The following ABCA7 variants were observed in gnomAD, a reference collection of about 807,000 sequenced individuals.
The protein encoded by ABCA7 is phospholipid-transporting ATPase ABCA7.
Under a neutral mutation model 227.6 loss-of-function variants are expected in ABCA7, and 261 were observed. The ratio of observed to expected loss-of-function variants is 1.15; its 90% CI spans 1.04 to 1.27. The LOEUF is 1.27. ABCA7 is among the 50% of genes most tolerant of loss of function. The probability of loss-of-function intolerance (pLI) is 0.00; values close to 1 mark genes in which losing one functional copy is unlikely to be tolerated. For synonymous variants in ABCA7, 1,488 were observed against 1,279.7 expected (o/e 1.16, Z -3.47); for missense variants, 3,331 against 2,924.5 (o/e 1.14, Z -3.21).
intron 11 of ABCA7, 112 bp from the exon 12 acceptor site, chr19:1,044,890 G>A (rs2040457432): frequency 5.4e-6 from 8 of 1,486,490 alleles, no homozygotes; most frequent in Admixed American, 3.9e-5. Flanking sequence ...GGAGCCGGCC[G>A]TGGGCCTACG....
intron 16 of ABCA7, among the ~76,000 whole-genome samples, chr19:1,048,496 C>CAAAAAAAAAAAAAAAAAAA (rs1234415864): frequency 9.2e-5 from 2 of 21,628 alleles, no homozygotes; most frequent in African/African-American, 3.7e-4. Flanking sequence ...AACTCAGTCT[C>CAAAAAAAAAAAAAAAAAAA]AAAAAAAAAA....
chr19:1,054,956 A>G lies in ABCA7; in HGVS notation c.3950+78A>G. The G allele has an allele frequency of 6.4e-7, 1 of 1,551,634 alleles. No homozygotes were observed. Among genetic ancestry groups the G allele is most frequent in the Admixed American group, 1.8e-5 (1 of 54,746 alleles). ...ATCTGGTCCCTGGCCAGGGAGCCTC[A>G]GGGGGCACCTGGAGCATCCCCTGTG... On this transcript the variant is annotated intron_variant, in intron 29 of 46. Coordinates refer to ENST00000263094, the MANE Select transcript of ABCA7 (RefSeq NM_019112.4). The surrounding 1 kb of genome is among the most constrained non-coding windows in gnomAD (Gnocchi z 4.8).
At chr19:1,051,081 G>C (rs373841193) in intron 19 of ABCA7, 29 bp downstream of exon 19, 15 of 1,611,136 alleles carry the variant, frequency 9.3e-6, no homozygotes, top group Non-Finnish European at 1.2e-5. Flanking sequence ...AGAGTGCAGC[G>C]GTGGGAAGGG....
rs1340741654 is a variant in ABCA7, at chr19:1,058,854, G to A, written c.5314G>A (p.Glu1772Lys). The A allele has an allele frequency of 3.2e-6, 5 of 1,576,402 alleles. No individual in the cohort carries two copies. Among genetic ancestry groups the A allele is most frequent in the Non-Finnish European group, 4.3e-6 (5 of 1,158,192 alleles). The change falls in exon 39 of 47, where the codon GAG becomes AAG. Residue 1772 changes from glutamate to lysine, a missense_variant. Transcript: ENST00000263094. ...RVRSLPLLGE[E>K]DEDVARERER... ...GAGGTCTCTGCCACTCCTGGGAGAG[G>A]AGGACGAGGATGTAGCCCGTGAACG...
At position 1,054,679 on chromosome 19, in the gene ABCA7, A is replaced by C; in HGVS notation, c.3836A>C (p.Gln1279Pro). 1.9e-6 allele frequency: 3 copies of C among 1,612,948 alleles called. No individual in the cohort carries two copies. Among genetic ancestry groups the C allele is most frequent in the Non-Finnish European group, 2.5e-6 (3 of 1,179,566 alleles). Residue 1279 changes from glutamine (Q) to proline (P), a missense_variant, in exon 28 of 47, where the codon CAG becomes CCG. Physicochemically the swap from Gln to Pro is moderately conservative, Grantham distance 76. Coordinates refer to ENST00000263094, the MANE Select transcript of ABCA7 (RefSeq NM_019112.4). This position sits in a 1 kb window ranked among gnomAD's most constrained non-coding sequence, Gnocchi z 4.8. ...LRLSPTMYGA[Q>P]VSFFSEDAPG... ...CTCAGTCCCACCATGTACGGTGCTC[A>C]GGTGTCCTTCTTCAGGTGGGTGCAG...
intron 1 of ABCA7, among the ~76,000 whole-genome samples, chr19:1,040,745 C>G (rs10422202): frequency 0.026 from 3,893 of 152,216 alleles, 172 homozygotes; most frequent in African/African-American, 0.089. Flanking sequence ...AAGGTGTGGG[C>G]AGAGCTGGGG....
In ABCA7 at chr19:1,055,126, T is replaced by C; in HGVS notation, c.3980T>C (p.Val1327Ala). Reference protein sequence around the residue: ...RFSAPEVPAEVAKVLASGNWT... With the variant: ...RFSAPEVPAEAAKVLASGNWT... ...TCGGCACCAGAAGTTCCTGCTGAAGTGGCCAAGGTCTTGGCCAGTGGCAAC... is the reference window on the plus strand; with the variant it reads ...TCGGCACCAGAAGTTCCTGCTGAAGCGGCCAAGGTCTTGGCCAGTGGCAAC... Residue 1327 changes from valine to alanine, a missense_variant, in exon 30 of 47, where the codon GTG (valine) becomes GCG (alanine). Physicochemically the swap from Val to Ala is moderately conservative, Grantham distance 64 (BLOSUM62 0). Transcript: ENST00000263094. The C allele has an allele frequency of 6.2e-7, 1 of 1,612,708 alleles. No individual in the cohort carries two copies.
At position 1,054,587 on chromosome 19, in the gene ABCA7, C is replaced by G. The variant is rs2042077528; in HGVS notation, c.3744C>G (p.Leu1248=). 6.2e-7 allele frequency: 1 copy of G among 1,611,138 alleles called. No individual in the cohort carries two copies. The highest frequency in any genetic ancestry group is 1.7e-5 in the Admixed American group (1 of 59,984). The change falls in exon 28 of 47, where the codon CTC becomes CTG. Residue 1248 remains leucine (L), a synonymous_variant. Coordinates refer to ENST00000263094, the MANE Select transcript of ABCA7 (RefSeq NM_019112.4). This position sits in a 1 kb window ranked among gnomAD's most constrained non-coding sequence, Gnocchi z 4.8. The stretch of plus-strand genomic sequence containing the variant: ...TCCCCCAGATCGTGCTGCCTGCCCT[C>G]TTTGTGGGCCTGGCCCTCGTGTTCA... ...GLFAQIVLPA[L]FVGLALVFSL...
At chr19:1,044,508 A>T in intron 10 of ABCA7, 69 bp from the exon 11 acceptor site, 1 of 1,537,532 alleles carries the variant, frequency 6.5e-7, no homozygotes, top group South Asian at 1.2e-5. Flanking sequence ...TCGCCTCCCA[A>T]AGTGCTGGGA....
intron 30 of ABCA7, 117 bp downstream of exon 30, chr19:1,055,468 G>A (rs1291687281): frequency 2.0e-5 from 25 of 1,255,804 alleles, no homozygotes; most frequent in East Asian, 1.3e-4. Flanking sequence ...TTGGGGCTAC[G>A]GGCTGGGAGT....
In ABCA7 at chr19:1,050,967, A is replaced by C. The variant is rs759865637; in HGVS notation, c.2599A>C (p.Ile867Leu). 6.2e-7 allele frequency: 1 copy of C among 1,612,144 alleles called. No homozygotes were observed. Among genetic ancestry groups the C allele is most frequent in the Non-Finnish European group, 8.5e-7 (1 of 1,179,676 alleles). ...CCCACCCAGTGGTGGCTCTGCCTTC[A>C]TCCTGGGCCACGACGTCCGCTCCAG... ...LFPPSGGSAFILGHDVRSSMA... is the reference protein window; with the variant it reads ...LFPPSGGSAFLLGHDVRSSMA... Residue 867 changes from isoleucine (I) to leucine (L), a missense_variant, in exon 19 of 47, where the codon ATC becomes CTC. Physicochemically the swap from Ile to Leu is conservative, Grantham distance 5 (BLOSUM62 2). Transcript: ENST00000263094.
rs747255006 is a variant in ABCA7 at position 1,053,824 on chromosome 19, A to C, written c.3460A>C (p.Thr1154Pro). The C allele has an allele frequency of 6.2e-7, 1 of 1,611,942 alleles. No homozygotes were observed. The highest frequency in any genetic ancestry group is 1.3e-5 in the African/African-American group (1 of 74,840). ...GGTGGTGGAGGAGTGTGCTGCGGACACAGATATGGAGGGTGCGGCCACAGC... is the reference window on the plus strand; with the variant it reads ...GGTGGTGGAGGAGTGTGCTGCGGACCCAGATATGGAGGGTGCGGCCACAGC... ...LKVVEECAAD[T>P]DMEDGSCGQH... The change falls in exon 25 of 47, where the codon ACA (threonine) becomes CCA (proline). Residue 1154 changes from threonine (T) to proline (P), a missense_variant. Physicochemically the swap from Thr to Pro is conservative, Grantham distance 38. Transcript: ENST00000263094.
At position 1,043,857 on chromosome 19, in the gene ABCA7, G is replaced by A. The variant is rs753983404; in HGVS notation, c.1047+16G>A. On this transcript the variant is annotated intron_variant, in intron 10 of 46. Transcript: ENST00000263094. The stretch of plus-strand genomic sequence containing the variant: ...CATGCTGCAGGTGTGCGGGGGTGCT[G>A]GGGAGGTGGGATGTGGCTCCCCGGT... 3.1e-6 allele frequency: 5 copies of A among 1,611,606 alleles called. No homozygotes were observed. The highest frequency in any genetic ancestry group is 3.3e-4 in the Middle Eastern group (2 of 6,082).
chr19:1,055,224 C>T lies in ABCA7; in HGVS notation c.4078C>T (p.Pro1360Ser). 1.2e-6 allele frequency: 2 copies of T among 1,607,566 alleles called. No homozygotes were observed. The highest frequency in any genetic ancestry group is 1.7e-6 in the Non-Finnish European group (2 of 1,177,576). ...TGCCCGGCGCCTGCTGCCCGACTGC[C>T]CGGCTGCAGCTGGTGGTCCCCCTCC... is the stretch of plus-strand genomic sequence containing the variant. ...PGARRLLPDC[P>S]AAAGGPPPPQ... Residue 1360 changes from proline to serine, a missense_variant, in exon 30 of 47, where the codon CCG (proline) becomes TCG (serine). By Grantham distance (74) the Pro-to-Ser change is moderately conservative (BLOSUM62 -1). Transcript: ENST00000263094.
rs769699741 is a variant in ABCA7, at chr19:1,054,738, C to G, written c.3852-42C>G. On this transcript the variant is annotated intron_variant, in intron 28 of 46. Transcript: ENST00000263094. The surrounding 1 kb of genome is among the most constrained non-coding windows in gnomAD (Gnocchi z 4.8). ...GGCTGGTGGCAGGAAGACTAGGGAC[C>G]TGGGGGTACAGCCCTGACCCTACAT... 13 of 1,607,576 alleles carry G rather than the reference C, an allele frequency of 8.1e-6. No homozygotes were observed. The highest frequency in any genetic ancestry group is 7.7e-5 in the South Asian group (7 of 90,926).
In ABCA7 at chr19:1,061,820, G is replaced by C; in HGVS notation, c.5502G>C (p.Thr1834=). 1 of 1,611,306 alleles carries C rather than the reference G, an allele frequency of 6.2e-7. No homozygotes were observed. Among genetic ancestry groups the C allele is most frequent in the Non-Finnish European group, 8.5e-7 (1 of 1,178,946 alleles). The change falls in exon 41 of 47, where the codon ACG becomes ACC. Residue 1834 remains threonine, a synonymous_variant. Coordinates refer to ENST00000263094, the MANE Select transcript of ABCA7 (RefSeq NM_019112.4). ...GLLGVNGAGK[T]STFRMVTGDT... Reference sequence around the variant, plus strand: ...TGGGTGTGAATGGAGCAGGGAAGACGTCCACGTTTCGCATGGTGACGGGGG... The same window carrying C: ...TGGGTGTGAATGGAGCAGGGAAGACCTCCACGTTTCGCATGGTGACGGGGG...
chr19:1,047,113 G>A (rs765665856), intron 14 of ABCA7, 44 bp from the exon 15 acceptor site: 35 of 1,569,772 alleles, frequency 2.2e-5, no homozygotes, highest in Non-Finnish European at 2.7e-5. Flanking sequence ...GCGCCCCCAG[G>A]CCAATCCAGG....
In ABCA7 at chr19:1,045,007, G is replaced by T. The variant is rs566988992; in HGVS notation, c.1221G>T (p.Leu407=). The change falls in exon 12 of 47, where the codon CTG becomes CTT. Residue 407 remains leucine, a synonymous_variant. Transcript: ENST00000263094. ...VGTLGRVTEC[L]SLDKLEAAPS... ...CTCACCCCCGCATCCCACAGTGCCT[G>T]TCCTTGGACAAGCTGGAGGCGGCAC... 1.2e-6 allele frequency: 2 copies of T among 1,612,592 alleles called. No homozygotes were observed. The highest frequency in any genetic ancestry group is 2.2e-5 in the East Asian group (1 of 44,866).
chr19:1,058,674 G>T lies in ABCA7; in HGVS notation c.5206G>T (p.Ala1736Ser), dbSNP rs370760111. 3.1e-5 allele frequency: 50 copies of T among 1,613,810 alleles called. No homozygotes were observed. Among genetic ancestry groups the T allele is most frequent in the African/African-American group, 4.0e-5 (3 of 74,888 alleles). Residue 1736 changes from alanine (A) to serine (S), a missense_variant, in exon 38 of 47, where the codon GCC (alanine) becomes TCC (serine). Transcript: ENST00000263094. The part of the protein sequence containing the change: ...RWEVVGKNLL[A>S]MVIQGPLFLL... ...GGAGGTGGTCGGCAAGAACCTCTTG[G>T]CCATGGTGATACAGGGGCCCCTCTT...
Sources: allele counts gnomAD v4.1 joint callset (sites outside exome capture counted in the v4.1 genomes callset), GRCh38; gene constraint gnomAD v4.1.1; non-coding constraint Gnocchi (gnomAD v3.1); transcripts MANE v1.5; gene names NCBI Gene and HGNC (gene_info 2026-07-23, HGNC 2026-07-21).